The following PAK2 variants were observed in gnomAD, a reference collection of about 807,000 sequenced individuals.
PAK2 encodes serine/threonine-protein kinase PAK 2.
In PAK2, 21 loss-of-function variants were observed where a neutral mutation model predicts 65.9. The observed-to-expected ratio is 0.32, with a 90% CI of 0.23 to 0.46. PAK2 has a LOEUF of 0.46. Among genes scored for constraint, PAK2 ranks in the 20% least tolerant of loss-of-function variants. The pLI, the probability that PAK2 is intolerant of heterozygous loss-of-function variation, is 1.00. For synonymous variants in PAK2, 204 were observed against 219.7 expected (o/e 0.93, Z 0.63); for missense variants, 324 against 642.6 (o/e 0.50, Z 5.36).
intron 1 of PAK2, chr3:196,747,277 C>T (rs1713418004): frequency 6.6e-6 from 1 of 151,980 alleles, no homozygotes. Flanking sequence ...GCGGTAATCG[C>T]TCCTCGGATA....
intron 1 of PAK2, among the ~76,000 whole-genome samples, chr3:196,777,471 T>C (rs935534435): frequency 2.0e-5 from 3 of 152,212 alleles, no homozygotes; most frequent in African/African-American, 7.2e-5. Context: ...CCCAAAGTGC[T>C]GAGATTACAG....
intron 1 of PAK2, among the ~76,000 whole-genome samples, chr3:196,747,606 TTGGAAAA>T (rs1713431880): frequency 6.6e-6 from 1 of 152,194 alleles, no homozygotes; most frequent in Non-Finnish European, 1.5e-5. Flanking sequence ...ATAATCCATT[TTGGAAAA>T]TGTTCTATGA....
At chr3:196,761,779 CG>C (rs1420102453) in intron 1 of PAK2, among the ~76,000 whole-genome samples, 7 of 141,798 alleles carry the variant, frequency 4.9e-5, no homozygotes, top group Non-Finnish European at 1.1e-4. Flanking sequence ...GCTGGCCGGG[CG>C]GGGGGCTGAC....
intron 1 of PAK2, among the ~76,000 whole-genome samples, chr3:196,761,851 CCTCCCGGACGGGGTGG>C (rs1713982755): frequency 6.7e-6 from 1 of 149,866 alleles, no homozygotes; most frequent in African/African-American, 2.4e-5. Context: ...CCCCCACCTC[CCTCCCGGACGGGGTGG>C]CTGCCGGACG....
Position 196,821,144 on chromosome 3 carries a change from T to G in PAK2, c.1350+577T>G, listed in dbSNP as rs547839555. Among the ~76,000 whole-genome samples the G allele has an allele frequency of 4.5e-3, 686 of 152,158 alleles. 5 individuals carry two copies. The highest frequency in any genetic ancestry group is 8.1e-3 in the South Asian group (39 of 4,820). ...GTGTGAACAACTGCACCTGGCCACTTCTCTTTTTTTTAAATTACCATATGT... is the reference window on the plus strand; with the variant it reads ...GTGTGAACAACTGCACCTGGCCACTGCTCTTTTTTTTAAATTACCATATGT... On this transcript the variant is annotated intron_variant, in intron 13 of 14. Transcript: ENST00000327134.
intron 1 of PAK2, among the ~76,000 whole-genome samples, chr3:196,749,252 G>A (rs566836928): frequency 4.7e-4 from 71 of 152,090 alleles, no homozygotes; most frequent in African/African-American, 1.6e-3. Context: ...CAGTTATTTC[G>A]GGTACATACC....
At chr3:196,816,226 G>A (rs532087469) in intron 11 of PAK2, among the ~76,000 whole-genome samples, 1 of 152,018 alleles carries the variant, frequency 6.6e-6, no homozygotes, top group Non-Finnish European at 1.5e-5. Context: ...GTTCATGTAA[G>A]GATGATACAT....
In PAK2 at chr3:196,809,011, A is replaced by G. The variant is rs541290393; in HGVS notation, c.709+1097A>G. Among the ~76,000 whole-genome samples the G allele has an allele frequency of 5.9e-5, 9 of 152,018 alleles. No individual in the cohort carries two copies. The South Asian group carries it at 1.9e-3, about 32-fold the overall frequency. On this transcript the variant is annotated intron_variant, in intron 7 of 14. Coordinates refer to ENST00000327134, the MANE Select transcript of PAK2 (RefSeq NM_002577.4). ...CGGTACGTTGGCTGGCCAAGATAGGAGGATAGCTGGAGTCCAGGAGTTCAA... is the reference window on the plus strand; with the variant it reads ...CGGTACGTTGGCTGGCCAAGATAGGGGGATAGCTGGAGTCCAGGAGTTCAA...
At position 196,811,214 on chromosome 3, in the gene PAK2, TCCCTCCCTC is replaced by T. The variant is rs1560113549; in HGVS notation, c.773+564_773+572del. 2.6e-3 allele frequency among the ~76,000 whole-genome samples: 70 copies of T among 26,986 alleles called. 15 individuals are homozygous for T. The highest frequency in any genetic ancestry group is 0.013 in the African/African-American group (61 of 4,560). The allele number at this position is 26,986 out of a possible 152,430, so 17.7% of individuals were successfully genotyped here. On this transcript the variant is annotated intron_variant, in intron 8 of 14. Transcript: ENST00000327134. Reference sequence around the variant, plus strand: ...GAATTCCTTCCTCCCTTCCTTCCCTTCCCTCCCTCCCTTCCCTTCCCTTCCTTCCCTCCC... The same window carrying T: ...GAATTCCTTCCTCCCTTCCTTCCCTTCCTTCCCTTCCCTTCCTTCCCTCCC...
At chr3:196,823,951 C>T (rs912499239) in intron 13 of PAK2, among the ~76,000 whole-genome samples, 8 of 152,042 alleles carry the variant, frequency 5.3e-5, no homozygotes, top group African/African-American at 1.9e-4. Context: ...TATGAATCTA[C>T]CGAGATTGAC....
At chr3:196,784,645 GT>G (rs1169071598) in intron 2 of PAK2, among the ~76,000 whole-genome samples, 8 of 142,096 alleles carry the variant, frequency 5.6e-5, no homozygotes, top group African/African-American at 1.8e-4. Flanking sequence ...ATTTAGGTTG[GT>G]TCCAAGTCTT....
intron 12 of PAK2, among the ~76,000 whole-genome samples, chr3:196,818,928 A>G (rs1175329827): frequency 1.3e-5 from 2 of 152,138 alleles, no homozygotes; most frequent in African/African-American, 2.4e-5. Flanking sequence ...CTTAAACAGT[A>G]TCTGGATTGT....
At chr3:196,799,497 G>T (rs1450392861) in intron 2 of PAK2, among the ~76,000 whole-genome samples, 1 of 147,550 alleles carries the variant, frequency 6.8e-6, no homozygotes, top group Non-Finnish European at 1.5e-5. Context: ...GTGGATGCGA[G>T]TTGCTTATAA....
intron 1 of PAK2, among the ~76,000 whole-genome samples, chr3:196,763,964 A>AT (rs11314152): frequency 0.53 from 74,556 of 140,328 alleles, 20,754 homozygotes; most frequent in East Asian, 0.7. Flanking sequence ...ACGCCCGGCT[A>AT]TTTTTTTTTT....
intron 7 of PAK2, among the ~76,000 whole-genome samples, chr3:196,808,285 G>A (rs1484122416): frequency 1.3e-5 from 2 of 151,736 alleles, no homozygotes; most frequent in Admixed American, 6.6e-5. Context: ...TCGTTGGGCT[G>A]GGCGCGGTGG....
At chr3:196,751,341 C>A (rs925577245) in intron 1 of PAK2, among the ~76,000 whole-genome samples, 1 of 151,958 alleles carries the variant, frequency 6.6e-6, no homozygotes, top group Non-Finnish European at 1.5e-5. Flanking sequence ...AACCATGTTT[C>A]GTGCACAAAA....
chr3:196,794,792 A>G (rs1265058753), intron 2 of PAK2, among the ~76,000 whole-genome samples: 2 of 152,106 alleles, frequency 1.3e-5, no homozygotes, highest in Admixed American at 6.5e-5. Flanking sequence ...AGGAACCCTG[A>G]GCCACCCTTC....
At chr3:196,755,813 C>G (rs1271130390) in intron 1 of PAK2, among the ~76,000 whole-genome samples, 1 of 151,738 alleles carries the variant, frequency 6.6e-6, no homozygotes, top group African/African-American at 2.4e-5. Flanking sequence ...TGGAGTACAG[C>G]GGCATGATCT....
chr3:196,772,355 T>G (rs958975043), intron 1 of PAK2, among the ~76,000 whole-genome samples: 4 of 152,232 alleles, frequency 2.6e-5, no homozygotes, highest in Non-Finnish European at 4.4e-5. Context: ...ATAAGTAGAT[T>G]AGTAAATTGC....
Sources: gnomAD v4.1 joint callset for allele counts (sites outside exome capture counted in the v4.1 genomes callset) on GRCh38, gnomAD v4.1.1 for gene constraint, MANE v1.5 for transcripts, NCBI Gene and HGNC (gene_info 2026-07-23, HGNC 2026-07-21) for gene names.